The following PALM2AKAP2 variants were observed in gnomAD, a reference collection of about 807,000 sequenced individuals.
The protein encoded by PALM2AKAP2 is PALM2-AKAP2 fusion protein.
In PALM2AKAP2, 37 loss-of-function variants were observed where a neutral mutation model predicts 71.5. The ratio of observed to expected loss-of-function variants is 0.52; its 90% CI spans 0.40 to 0.68. The LOEUF is 0.68. PALM2AKAP2 is among the 30% of genes least tolerant of loss of function. The pLI is 0.00. For missense variants in PALM2AKAP2, 1,224 were observed against 1,191.8 expected (o/e 1.03, Z -0.40); for synonymous variants, 468 against 478.8 (o/e 0.98, Z 0.29).
At chr9:109,934,813 G>A (rs1831184598) in intron 6 of PALM2AKAP2, among the ~76,000 whole-genome samples, 1 of 152,122 alleles carries the variant, frequency 6.6e-6, no homozygotes, top group African/African-American at 2.4e-5. Context: ...GTTTCCCCTA[G>A]CTATACATAT....
intron 1 of PALM2AKAP2, among the ~76,000 whole-genome samples, chr9:109,677,141 T>G (rs1348581670): frequency 1.3e-5 from 2 of 152,022 alleles, no homozygotes; most frequent in Admixed American, 1.3e-4. Flanking sequence ...TTGAATACAT[T>G]TATATTTTTG....
chr9:110,053,520 T>A (rs2132514010), intron 1 of PALM2AKAP2, among the ~76,000 whole-genome samples: 2 of 86,750 alleles, frequency 2.3e-5, no homozygotes, highest in Middle Eastern at 0.01. Context: ...GAGCAAGAAC[T>A]CTGTCTCAAA....
At chr9:109,879,337 C>T (rs9299179) in intron 2 of PALM2AKAP2, among the ~76,000 whole-genome samples, 1 of 152,266 alleles carries the variant, frequency 6.6e-6, no homozygotes, top group East Asian at 1.9e-4. Flanking sequence ...CTGTTCCTTT[C>T]GTTGCTTACT....
chr9:109,839,380 G>A (rs144337921), intron 1 of PALM2AKAP2, among the ~76,000 whole-genome samples: 84 of 152,214 alleles, frequency 5.5e-4, no homozygotes, highest in African/African-American at 1.8e-3. Context: ...TTGATGGGAC[G>A]TATCTCAAAA....
At chr9:110,124,202 C>A (rs906264343) in intron 1 of PALM2AKAP2, among the ~76,000 whole-genome samples, 1 of 152,174 alleles carries the variant, frequency 6.6e-6, no homozygotes, top group Non-Finnish European at 1.5e-5. Context: ...TTCCTTGACT[C>A]GTGTGCTTGG....
intron 1 of PALM2AKAP2, among the ~76,000 whole-genome samples, chr9:109,851,943 A>G (rs564568998): frequency 3.0e-4 from 45 of 152,294 alleles, no homozygotes; most frequent in African/African-American, 9.4e-4. Flanking sequence ...ACGTGATGGC[A>G]AGCAACAGAA....
Position 109,773,567 on chromosome 9 carries a change from C to T in PALM2AKAP2, c.6-6921C>T, listed in dbSNP as rs75128093. Among the ~76,000 whole-genome samples the T allele has an allele frequency of 9.2e-5, 14 of 152,362 alleles. No individual in the cohort carries two copies. In the East Asian group the frequency reaches 2.1e-3, roughly 23 times the overall value. On this transcript the variant is annotated intron_variant, in intron 1 of 6. Transcript: ENST00000374531. ...AGTTCTCAGAGCACTTTCTCATTCA[C>T]GAACTTTAAACTTATAAGAATCTAA... is the stretch of plus-strand genomic sequence containing the variant.
intron 3 of PALM2AKAP2, among the ~76,000 whole-genome samples, chr9:109,889,546 A>G (rs1275488330): frequency 6.6e-6 from 1 of 152,162 alleles, no homozygotes; most frequent in African/African-American, 2.4e-5. Context: ...TCCTCCAAGG[A>G]CCACACAGAA....
At chr9:110,069,224 G>C (rs961560139) in intron 1 of PALM2AKAP2, among the ~76,000 whole-genome samples, 3 of 152,220 alleles carry the variant, frequency 2.0e-5, no homozygotes, top group African/African-American at 7.2e-5. Flanking sequence ...AGCTGCTGCT[G>C]TTACGAATTA....
At chr9:109,813,345 T>C (rs10980061) in intron 1 of PALM2AKAP2, among the ~76,000 whole-genome samples, 92,605 of 152,028 alleles carry the variant, frequency 0.61, 29,604 homozygotes, top group African/African-American at 0.81. Flanking sequence ...ATTCAGAAGC[T>C]GATGAGATGT....
At chr9:109,843,984 T>C (rs1007147893) in intron 1 of PALM2AKAP2, among the ~76,000 whole-genome samples, 1 of 152,226 alleles carries the variant, frequency 6.6e-6, no homozygotes, top group African/African-American at 2.4e-5. Context: ...ATTCTTTGGT[T>C]GGTCCTAGAC....
chr9:110,019,859 A>T (rs1833041913), intron 7 of PALM2AKAP2, among the ~76,000 whole-genome samples: 1 of 152,196 alleles, frequency 6.6e-6, no homozygotes. Context: ...TGTTTGGGTG[A>T]TGGGTTCAGT....
chr9:110,095,293 A>C (rs947555271), intron 1 of PALM2AKAP2, among the ~76,000 whole-genome samples: 7 of 152,206 alleles, frequency 4.6e-5, no homozygotes, highest in African/African-American at 1.2e-4. Flanking sequence ...ACATTGTCTA[A>C]GTGGGTCATC....
At chr9:109,668,493 A>C (rs1021929038) in intron 1 of PALM2AKAP2, among the ~76,000 whole-genome samples, 1 of 152,244 alleles carries the variant, frequency 6.6e-6, no homozygotes, top group Non-Finnish European at 1.5e-5. Flanking sequence ...TCAGACTTTT[A>C]GTCAGAGCAC....
At chr9:109,773,221 G>A (rs1232898608) in intron 1 of PALM2AKAP2, among the ~76,000 whole-genome samples, 5 of 151,942 alleles carry the variant, frequency 3.3e-5, no homozygotes, top group East Asian at 3.9e-4. Flanking sequence ...CTGCAGCCTC[G>A]ACCTCCTGGG....
intron 7 of PALM2AKAP2, among the ~76,000 whole-genome samples, chr9:110,039,768 C>T (rs1168921407): frequency 6.6e-6 from 1 of 152,210 alleles, no homozygotes; most frequent in African/African-American, 2.4e-5. Context: ...CTCATCTCAA[C>T]CACTCTATGA....
chr9:110,068,594 A>G (rs1834137897), intron 1 of PALM2AKAP2, among the ~76,000 whole-genome samples: 1 of 151,316 alleles, frequency 6.6e-6, no homozygotes, highest in African/African-American at 2.4e-5. Context: ...TAGTGGTGCC[A>G]TCACAGCTCA....
chr9:109,900,804 T>C (rs1346448922), intron 3 of PALM2AKAP2, among the ~76,000 whole-genome samples: 1 of 152,216 alleles, frequency 6.6e-6, no homozygotes, highest in Non-Finnish European at 1.5e-5. Flanking sequence ...GAAGATCTCC[T>C]TCCAAGAAAT....
intron 6 of PALM2AKAP2, chr9:109,943,703 C>A: frequency 2.7e-6 from 1 of 372,300 alleles, no homozygotes; most frequent in South Asian, 4.8e-5. Flanking sequence ...TTGGAATGGA[C>A]TCTTCGTATC....
Sources: allele counts gnomAD v4.1 joint callset (sites outside exome capture counted in the v4.1 genomes callset), GRCh38; gene constraint gnomAD v4.1.1; transcripts MANE v1.5; gene names NCBI Gene and HGNC (gene_info 2026-07-23, HGNC 2026-07-21).